LARGE1: variants seen among roughly 807,000 people sequenced by gnomAD.
LARGE1 encodes LARGE xylosyl- and glucuronyltransferase 1, also known as xylosyl- and glucuronyltransferase LARGE1.
A neutral mutation model predicts 87.6 loss-of-function variants in LARGE1; 43 were observed. The observed-to-expected ratio is 0.49, with a 90% CI of 0.38 to 0.63. The LOEUF (loss-of-function observed/expected upper bound fraction) is 0.63, where lower values mean the gene tolerates loss of function less well. LARGE1 is among the 30% of genes least tolerant of loss of function. The pLI, the probability that LARGE1 is intolerant of heterozygous loss-of-function variation, is 0.00. For missense variants in LARGE1, 802 were observed against 1,000.2 expected, an observed-to-expected ratio of 0.80 and a Z score of 2.67; for synonymous variants, 434 against 394.6, an observed-to-expected ratio of 1.10 and a Z score of -1.18.
chr22:33,820,340 G>A (rs765455243), intron 1 of LARGE1, among the ~76,000 whole-genome samples: 5 of 151,714 alleles, frequency 3.3e-5, no homozygotes, highest in African/African-American at 7.3e-5. Flanking sequence ...AATTTTTTTA[G>A]AGACAGGGTC....
At chr22:33,359,986 G>T (rs1330482287) in intron 9 of LARGE1, among the ~76,000 whole-genome samples, 1 of 149,358 alleles carries the variant, frequency 6.7e-6, no homozygotes, top group Non-Finnish European at 1.5e-5. Flanking sequence ...TGAGTTTTGG[G>T]TTAAATGAAG....
At chr22:33,830,693 C>G (rs1309963065) in intron 1 of LARGE1, among the ~76,000 whole-genome samples, 1 of 152,004 alleles carries the variant, frequency 6.6e-6, no homozygotes, top group East Asian at 1.9e-4. Flanking sequence ...GTTCTCTTGG[C>G]CCACTCAGGC....
At chr22:33,727,990 C>T (rs1163777785) in intron 2 of LARGE1, among the ~76,000 whole-genome samples, 3 of 152,118 alleles carry the variant, frequency 2.0e-5, no homozygotes, top group Admixed American at 6.5e-5. Flanking sequence ...GATGGATCTG[C>T]ACTCACAAGC....
chr22:33,088,958 G>C, the LARGE1 span, among the ~76,000 whole-genome samples: 1 of 152,224 alleles, frequency 6.6e-6, no homozygotes, highest in Non-Finnish European at 1.5e-5. Context: ...TCAATAAATG[G>C]TTAGCAATTG....
intron 6 of LARGE1, among the ~76,000 whole-genome samples, chr22:33,518,032 A>T (rs5998986): frequency 0.04 from 6,147 of 152,226 alleles, 211 homozygotes; most frequent in African/African-American, 0.095. Flanking sequence ...GATCTGAGGC[A>T]CCCTCTCTTC....
chr22:33,267,349 T>C (rs773875350), intron 11 of LARGE1, among the ~76,000 whole-genome samples: 1 of 151,754 alleles, frequency 6.6e-6, no homozygotes, highest in Non-Finnish European at 1.5e-5. Flanking sequence ...TAATGGTAGC[T>C]GCGATTGCTT....
intron 2 of LARGE1, among the ~76,000 whole-genome samples, chr22:33,739,330 T>C (rs1342665230): frequency 6.6e-6 from 1 of 152,188 alleles, no homozygotes; most frequent in African/African-American, 2.4e-5. Flanking sequence ...CTCCTGTTCC[T>C]GCCCCTGGGC....
At chr22:33,779,288 A>T (rs2085344271) in intron 1 of LARGE1, among the ~76,000 whole-genome samples, 1 of 152,178 alleles carries the variant, frequency 6.6e-6, no homozygotes, top group South Asian at 2.1e-4. Context: ...AATCCACCCC[A>T]AACTCCTAAT....
At chr22:33,576,419 G>A (rs2078353767) in intron 5 of LARGE1, among the ~76,000 whole-genome samples, 1 of 152,132 alleles carries the variant, frequency 6.6e-6, no homozygotes, top group South Asian at 2.1e-4. Flanking sequence ...CAGAAAGGAT[G>A]GTCACAGCTG....
chr22:33,733,174 A>C (rs1387122880), intron 2 of LARGE1: 1 of 152,264 alleles, frequency 6.6e-6, no homozygotes, highest in African/African-American at 2.4e-5. Context: ...GACAGAGTCC[A>C]TGGCAGAAGG....
intron 1 of LARGE1, among the ~76,000 whole-genome samples, chr22:33,883,220 T>A (rs779694417): frequency 5.9e-5 from 9 of 152,142 alleles, no homozygotes; most frequent in Non-Finnish European, 1.0e-4. Flanking sequence ...GAGCGCTGCT[T>A]TGCAAGCAGG....
chr22:33,306,105 A>C (rs573503125), intron 11 of LARGE1, among the ~76,000 whole-genome samples: 1 of 152,114 alleles, frequency 6.6e-6, no homozygotes, highest in African/African-American at 2.4e-5. Context: ...CGGCCTCCCA[A>C]AGTGCTGGGC....
intron 6 of LARGE1, among the ~76,000 whole-genome samples, chr22:33,541,083 A>AG (rs1167300904): frequency 5.1e-5 from 3 of 59,116 alleles, no homozygotes; most frequent in South Asian, 7.5e-4. Flanking sequence ...GGCGGGTTGC[A>AG]GGGGGAGAAT....
chr22:33,209,674 C>A (rs1924859355), intron 11 of LARGE1, among the ~76,000 whole-genome samples: 1 of 152,176 alleles, frequency 6.6e-6, no homozygotes, highest in Non-Finnish European at 1.5e-5. Context: ...GAGACAGGGT[C>A]TCACTCTGTC....
chr22:33,509,065 T>TA (rs1056305026), intron 6 of LARGE1, among the ~76,000 whole-genome samples: 3 of 152,188 alleles, frequency 2.0e-5, no homozygotes, highest in African/African-American at 7.2e-5. Context: ...TATCAGGCCT[T>TA]AGGCTGTCCT....
chr22:33,430,007 G>A (rs1390198568), intron 7 of LARGE1, among the ~76,000 whole-genome samples: 5 of 152,118 alleles, frequency 3.3e-5, no homozygotes, highest in Non-Finnish European at 7.3e-5. Flanking sequence ...GCTTCCTATA[G>A]GACAGAATCC....
chr22:33,119,334 T>TATA, the LARGE1 span, among the ~76,000 whole-genome samples: 1 of 151,636 alleles, frequency 6.6e-6, no homozygotes, highest in African/African-American at 2.4e-5. Context: ...CTTTTATATA[T>TATA]TTTTTTTTAT....
At position 33,766,913 on chromosome 22, in the gene LARGE1, C is replaced by CAT. The variant is rs34406131; in HGVS notation, c.-82-5357_-82-5356dup. 2.1e-3 allele frequency among the ~76,000 whole-genome samples: 233 copies of CAT among 111,446 alleles called. 2 individuals carry two copies. The highest frequency in any genetic ancestry group is 3.1e-3 in the Non-Finnish European group (171 of 54,494). The allele number at this position is 111,446 out of a possible 152,430, so 73.1% of individuals were successfully genotyped here. A position where few individuals can be genotyped will look rare whatever the true frequency, so the allele number is the denominator to read the frequency against. On this transcript the variant is annotated intron_variant, in intron 1 of 14. Coordinates refer to ENST00000397394, the MANE Select transcript of LARGE1 (RefSeq NM_133642.5). ...AGAATATGACTAATTTAAACATATA[C>CAT]ATATATATATATATATATATATATA...
intron 2 of LARGE1, chr22:33,750,478 T>C (rs2084271791): frequency 7.9e-5 from 12 of 152,202 alleles, no homozygotes; most frequent in Admixed American, 7.9e-4. Flanking sequence ...TGGTTTAACA[T>C]GCGATAAATA....
Sources: gnomAD v4.1 joint callset for allele counts (sites outside exome capture counted in the v4.1 genomes callset) on GRCh38, gnomAD v4.1.1 for gene constraint, MANE v1.5 for transcripts, NCBI Gene and HGNC (gene_info 2026-07-23, HGNC 2026-07-21) for gene names.